The following CALB2 variants were observed in gnomAD, a reference collection of about 807,000 sequenced individuals.
CALB2 encodes calretinin.
A neutral mutation model predicts 45.9 loss-of-function variants in CALB2; 34 were observed. The observed-to-expected ratio is 0.74, with a 90% CI of 0.56 to 0.99. The LOEUF (loss-of-function observed/expected upper bound fraction) is 0.99. Among genes scored for constraint, CALB2 ranks in the 50% least tolerant of loss-of-function variants. CALB2 has a pLI of 0.00. For synonymous variants in CALB2, 142 were observed against 129.6 expected, an observed-to-expected ratio of 1.10 and a Z score of -0.65; for missense variants, 344 against 339.3, an observed-to-expected ratio of 1.01 and a Z score of -0.11.
At chr16:71,386,222 C>T (rs1435871504) in intron 10 of CALB2, among the ~76,000 whole-genome samples, 1 of 152,242 alleles carries the variant, frequency 6.6e-6, no homozygotes, top group East Asian at 1.9e-4. Flanking sequence ...AAATATACCA[C>T]ATTTTGTTTA....
chr16:71,359,928 C>T (rs1448955669), intron 1 of CALB2, among the ~76,000 whole-genome samples: 1 of 152,240 alleles, frequency 6.6e-6, no homozygotes, highest in Admixed American at 6.5e-5. Flanking sequence ...GAGGGGCTGA[C>T]CCCAAAGGGA....
rs978615004 is a variant in CALB2 at position 71,364,270 on chromosome 16, C to T, written c.94+5384C>T. ...CCCGTTTCACAAACAAGATGCCAGC[C>T]CTGCATTGCCTTGATATTGACAGCC... On this transcript the variant is annotated intron_variant, in intron 1 of 10. Transcript: ENST00000302628. 2.2e-4 allele frequency among the ~76,000 whole-genome samples: 33 copies of T among 146,858 alleles called. 1 individual carries two copies. The East Asian group carries it at 4.3e-3, about 19-fold the overall frequency.
At chr16:71,370,098 T>A (rs555472683) in intron 1 of CALB2, among the ~76,000 whole-genome samples, 3 of 152,238 alleles carry the variant, frequency 2.0e-5, no homozygotes, top group African/African-American at 7.2e-5. Context: ...TGCGAGCCCA[T>A]TGCAATCATG....
chr16:71,372,008 A>G (rs564353693), intron 1 of CALB2, 145 bp from the exon 2 acceptor site: 4 of 645,528 alleles, frequency 6.2e-6, no homozygotes, highest in Non-Finnish European at 1.1e-5. Context: ...TGAGGGCTGG[A>G]CCCACACCCC....
Position 71,384,368 on chromosome 16 carries a change from T to C in CALB2, c.563T>C (p.Leu188Pro). 1 of 1,608,466 alleles carries C rather than the reference T, an allele frequency of 6.2e-7. No individual in the cohort carries two copies. Among genetic ancestry groups the C allele is most frequent in the Non-Finnish European group, 8.5e-7 (1 of 1,178,206 alleles). Residue 188 changes from leucine (L) to proline (P), a missense_variant, in exon 8 of 11, where the codon CTT becomes CCT. Leu to Pro is a moderately conservative substitution (Grantham distance 98). Coordinates refer to ENST00000302628, the MANE Select transcript of CALB2 (RefSeq NM_001740.5). ...CTGCCTGTCCAGGAAAACTTCCTGC[T>C]TAAATTTCAGGTAAAACTTTGCTTT... ...RLLPVQENFL[L>P]KFQGMKLTSE...
At chr16:71,377,245 C>T (rs2042427071) in intron 3 of CALB2, among the ~76,000 whole-genome samples, 2 of 152,100 alleles carry the variant, frequency 1.3e-5, no homozygotes, top group Admixed American at 6.5e-5. Context: ...AAATTGCCAC[C>T]CCAATGGAAA....
In CALB2 at chr16:71,382,720, C is replaced by T. The variant is rs778732378; in HGVS notation, c.344C>T (p.Ala115Val). ...AGGTTGACATTCCTGTTGTTGCAGG[C>T]TTGGCGGAAGTACGACACAGACAGG... Reference protein sequence around the residue: ...HVGSSAEFMEAWRKYDTDRSG... With the variant: ...HVGSSAEFMEVWRKYDTDRSG... The change falls in exon 5 of 11, where the codon GCT (alanine) becomes GTT (valine). Residue 115 changes from alanine (A) to valine (V), a missense_variant and splice_region_variant. Physicochemically the swap from Ala to Val is moderately conservative, Grantham distance 64. Around this residue, in one of 3 missense-constraint regions of CALB2, gnomAD observed 263 missense variants for 241.7 expected, o/e 1.09. Coordinates refer to ENST00000302628, the MANE Select transcript of CALB2 (RefSeq NM_001740.5). 2.5e-6 allele frequency: 4 copies of T among 1,611,552 alleles called. No individual in the cohort carries two copies. The highest frequency in any genetic ancestry group is 2.7e-5 in the African/African-American group (2 of 74,818).
In CALB2 at chr16:71,390,006, GAGAT is replaced by G; in HGVS notation, c.*145_*148del. 1 of 628,602 alleles carries G rather than the reference GAGAT, an allele frequency of 1.6e-6. No homozygotes were observed. The highest frequency in any genetic ancestry group is 2.8e-6 in the Non-Finnish European group (1 of 352,488). 38.9% of individuals were successfully genotyped at this position (628,602 alleles called of 1,614,324 possible). ...CACCTGCCTGCAGAGCAGGAAATGAGAGATAGAGGATGGGCAGCTGGGGGGCTGT... is the reference window on the plus strand; with the variant it reads ...CACCTGCCTGCAGAGCAGGAAATGAGAGAGGATGGGCAGCTGGGGGGCTGT... On this transcript the variant is annotated 3_prime_UTR_variant, in exon 11 of 11. Transcript: ENST00000302628.
chr16:71,382,750 G>T lies in CALB2; in HGVS notation c.374G>T (p.Gly125Val). ...AWRKYDTDRS[G>V]YIEANELKGF... ...CGGAAGTACGACACAGACAGGAGTGGCTACATCGAAGCCAATGAGCTCAAG... is the reference window on the plus strand; with the variant it reads ...CGGAAGTACGACACAGACAGGAGTGTCTACATCGAAGCCAATGAGCTCAAG... The change falls in exon 5 of 11, where the codon GGC becomes GTC. Residue 125 changes from glycine (G) to valine (V), a missense_variant. By Grantham distance (109) the Gly-to-Val change is moderately radical (BLOSUM62 -3). This residue lies in a region of CALB2 where 263 missense variants were observed against 241.7 expected (regional missense o/e 1.09). Coordinates refer to ENST00000302628, the MANE Select transcript of CALB2 (RefSeq NM_001740.5). The T allele has an allele frequency of 2.5e-6, 4 of 1,612,146 alleles. No individual in the cohort carries two copies. The highest frequency in any genetic ancestry group is 3.4e-6 in the Non-Finnish European group (4 of 1,179,156).
chr16:71,368,763 G>A (rs1228885451), intron 1 of CALB2, among the ~76,000 whole-genome samples: 1 of 152,106 alleles, frequency 6.6e-6, no homozygotes, highest in African/African-American at 2.4e-5. Flanking sequence ...CTTACCCATA[G>A]TGAGGGCTCA....
intron 10 of CALB2, among the ~76,000 whole-genome samples, chr16:71,388,182 A>G (rs374885612): frequency 6.9e-6 from 1 of 144,448 alleles, no homozygotes; most frequent in Non-Finnish European, 1.5e-5. Flanking sequence ...AAAGAATAAA[A>G]GAAGAACTGG....
In CALB2 at chr16:71,377,647, C is replaced by A; in HGVS notation, c.262-20C>A. On this transcript the variant is annotated intron_variant, in intron 3 of 10. Transcript: ENST00000302628. ...TCAAGTCCCTCCATAACGTTAGTGT[C>A]GCTCTCTGTATCTTCACAGCTGGCG... 1 of 1,588,364 alleles carries A rather than the reference C, an allele frequency of 6.3e-7. No homozygotes were observed. The highest frequency in any genetic ancestry group is 8.6e-7 in the Non-Finnish European group (1 of 1,157,198).
chr16:71,373,186 G>A (rs894408781), intron 2 of CALB2, among the ~76,000 whole-genome samples: 4 of 152,110 alleles, frequency 2.6e-5, no homozygotes, highest in Non-Finnish European at 4.4e-5. Context: ...CAGCTCCCTC[G>A]GGTCCTCTGG....
rs772562739 is a variant in CALB2 at position 71,389,852 on chromosome 16, A to AGCCCCCCATGTT, written c.814_815insTGCCCCCCATGT (p.Met271_Ter272insLeuProProMet). 6.2e-7 allele frequency: 1 copy of AGCCCCCCATGTT among 1,613,096 alleles called. No individual in the cohort carries two copies. The highest frequency in any genetic ancestry group is 1.1e-5 in the South Asian group (1 of 91,052). ...GACCTGGAGATTGTGCTCTGCAGCG[A>AGCCCCCCATGTT]GCCCCCCATGTAAAGTGGGGACGGG... On this transcript the variant is annotated inframe_insertion, in exon 11 of 11. Coordinates refer to ENST00000302628, the MANE Select transcript of CALB2 (RefSeq NM_001740.5).
chr16:71,366,629 C>T (rs1466087074), intron 1 of CALB2, among the ~76,000 whole-genome samples: 1 of 152,164 alleles, frequency 6.6e-6, no homozygotes, highest in Non-Finnish European at 1.5e-5. Context: ...CCACACCTGG[C>T]TTGAGAACCA....
chr16:71,376,683 A>G (rs2042417943), intron 3 of CALB2, among the ~76,000 whole-genome samples: 1 of 152,012 alleles, frequency 6.6e-6, no homozygotes, highest in African/African-American at 2.4e-5. Flanking sequence ...ATACAACCAC[A>G]TACATTCACA....
intron 10 of CALB2, among the ~76,000 whole-genome samples, chr16:71,388,431 C>G (rs34770624): frequency 0.16 from 24,694 of 151,802 alleles, 2,722 homozygotes; most frequent in East Asian, 0.32. Context: ...TTGTTTAAGT[C>G]ATTTTCCAGT....
chr16:71,366,143 C>T (rs1276834778), intron 1 of CALB2, among the ~76,000 whole-genome samples: 2 of 148,180 alleles, frequency 1.3e-5, no homozygotes, highest in African/African-American at 2.5e-5. Flanking sequence ...TCTCCTGCCT[C>T]AGCCTCCCAA....
chr16:71,364,750 C>G (rs1321563603), intron 1 of CALB2, among the ~76,000 whole-genome samples: 2 of 152,222 alleles, frequency 1.3e-5, no homozygotes, highest in African/African-American at 4.8e-5. Context: ...AATTCAAGTG[C>G]CCAAACATTC....
Sources: allele counts gnomAD v4.1 joint callset (sites outside exome capture counted in the v4.1 genomes callset), GRCh38; gene constraint gnomAD v4.1.1; regional missense constraint gnomAD v4.1.1; transcripts MANE v1.5; gene names NCBI Gene and HGNC (gene_info 2026-07-23, HGNC 2026-07-21).